Variants in FGF12 observed in about 807,000 individuals in gnomAD.
The protein encoded by FGF12 is fibroblast growth factor 12B.
FGF12 carries 14 observed loss-of-function variants against 23.6 expected under a neutral mutation model. The ratio of observed to expected loss-of-function variants is 0.59; its 90% confidence interval spans 0.39 to 0.93. The LOEUF (loss-of-function observed/expected upper bound fraction) is 0.93. Among genes scored for constraint, FGF12 ranks in the 40% least tolerant of loss-of-function variants. The pLI is 0.00. For synonymous variants in FGF12, 62 were observed against 77.3 expected (o/e 0.80, Z 1.04); for missense variants, 175 against 217.8 (o/e 0.80, Z 1.24).
intron 4 of FGF12, among the ~76,000 whole-genome samples, chr3:192,313,972 GTAAAGTCCTCA>G: frequency 6.6e-6 from 1 of 152,318 alleles, no homozygotes; most frequent in East Asian, 1.9e-4. Flanking sequence ...GGTCATAAGA[GTAAAGTCCTCA>G]TAAATAGGAT....
chr3:192,179,774 G>T (rs1716067846), intron 4 of FGF12, among the ~76,000 whole-genome samples: 1 of 152,012 alleles, frequency 6.6e-6, no homozygotes, highest in South Asian at 2.1e-4. Flanking sequence ...TCGAACTCCT[G>T]ACCTCAAGGG....
At chr3:192,509,092 A>T (rs1345342738) in intron 2 of FGF12, among the ~76,000 whole-genome samples, 3 of 151,996 alleles carry the variant, frequency 2.0e-5, no homozygotes, top group African/African-American at 7.3e-5. Flanking sequence ...GGAAAATGGC[A>T]ATCTCTGAAG....
intron 2 of FGF12, among the ~76,000 whole-genome samples, chr3:192,706,996 AAGAC>A (rs1228771488): frequency 6.6e-6 from 1 of 152,242 alleles, no homozygotes; most frequent in Non-Finnish European, 1.5e-5. Flanking sequence ...GGAAAAGGAC[AAGAC>A]AGTCACAGAA....
chr3:192,529,693 A>G (rs1725041153), intron 2 of FGF12, among the ~76,000 whole-genome samples: 1 of 152,200 alleles, frequency 6.6e-6, no homozygotes, highest in South Asian at 2.1e-4. Flanking sequence ...GGGCATCACA[A>G]TCAAGGCAGA....
chr3:192,171,624 A>G (rs545907799), intron 4 of FGF12, among the ~76,000 whole-genome samples: 1 of 152,252 alleles, frequency 6.6e-6, no homozygotes, highest in Non-Finnish European at 1.5e-5. Flanking sequence ...TCAGCAGAAG[A>G]AAAACAAATG....
At chr3:192,668,529 T>C (rs1716983308) in intron 2 of FGF12, among the ~76,000 whole-genome samples, 1 of 152,130 alleles carries the variant, frequency 6.6e-6, no homozygotes, top group South Asian at 2.1e-4. Context: ...TGTGCCACTC[T>C]GAGGGCAGAA....
chr3:192,435,089 C>T (rs1721976896), intron 2 of FGF12, among the ~76,000 whole-genome samples: 1 of 152,118 alleles, frequency 6.6e-6, no homozygotes, highest in African/African-American at 2.4e-5. Flanking sequence ...TCATTTTCCT[C>T]AACAGGGTAA....
At chr3:192,606,582 C>T (rs1030900410) in intron 2 of FGF12, among the ~76,000 whole-genome samples, 63 of 152,244 alleles carry the variant, frequency 4.1e-4, no homozygotes, top group African/African-American at 1.3e-3. Flanking sequence ...AATCACTGTT[C>T]ACTAGGCACT....
intron 4 of FGF12, among the ~76,000 whole-genome samples, chr3:192,265,001 G>T (rs762125245): frequency 1.4e-4 from 21 of 152,066 alleles, no homozygotes; most frequent in Non-Finnish European, 2.8e-4. Context: ...AATCAGGCTT[G>T]CATCATTTTC....
chr3:192,164,948 A>G (rs1715079344), intron 5 of FGF12, among the ~76,000 whole-genome samples: 1 of 151,996 alleles, frequency 6.6e-6, no homozygotes. Context: ...AACTTTATTT[A>G]TTTATTTATT....
intron 4 of FGF12, among the ~76,000 whole-genome samples, chr3:192,205,949 G>C (rs760847738): frequency 2.0e-4 from 30 of 152,164 alleles, no homozygotes; most frequent in Non-Finnish European, 3.2e-4. Context: ...TGTTACTATT[G>C]TGCACCATTG....
chr3:192,418,031 C>T (rs534663926), intron 2 of FGF12, among the ~76,000 whole-genome samples: 1 of 152,168 alleles, frequency 6.6e-6, no homozygotes, highest in East Asian at 1.9e-4. Context: ...CACAGGAAAA[C>T]AATCTCATAG....
At chr3:192,200,039 G>A (rs543028641) in intron 4 of FGF12, among the ~76,000 whole-genome samples, 61 of 152,176 alleles carry the variant, frequency 4.0e-4, no homozygotes, top group African/African-American at 1.4e-3. Flanking sequence ...TAGAAAGGCC[G>A]GGTGCAGTGG....
chr3:192,726,247 A>C (rs1212115957), intron 2 of FGF12, among the ~76,000 whole-genome samples: 2 of 152,206 alleles, frequency 1.3e-5, no homozygotes, highest in Non-Finnish European at 2.9e-5. Context: ...GTTCTGGGTA[A>C]TGAATATAGT....
chr3:192,312,615 G>T (rs901126587), intron 4 of FGF12, among the ~76,000 whole-genome samples: 1 of 151,744 alleles, frequency 6.6e-6, no homozygotes, highest in African/African-American at 2.4e-5. Flanking sequence ...AAAACGCAAA[G>T]ATAATACAAA....
chr3:192,297,378 G>C (rs1415668362), intron 4 of FGF12, among the ~76,000 whole-genome samples: 1 of 152,192 alleles, frequency 6.6e-6, no homozygotes, highest in Non-Finnish European at 1.5e-5. Flanking sequence ...ACCACATCCT[G>C]TGTTGTTAAA....
chr3:192,662,557 T>A (rs1189327343), intron 2 of FGF12, among the ~76,000 whole-genome samples: 1 of 152,164 alleles, frequency 6.6e-6, no homozygotes, highest in Non-Finnish European at 1.5e-5. Flanking sequence ...CTGACTTGGA[T>A]CCTCTACAAA....
At chr3:192,617,677 C>T (rs989966655) in intron 2 of FGF12, among the ~76,000 whole-genome samples, 4 of 152,070 alleles carry the variant, frequency 2.6e-5, no homozygotes, top group African/African-American at 9.7e-5. Context: ...AGGTGGGACC[C>T]AAGATTCCAC....
chr3:192,195,173 A>AT (rs757211400), intron 4 of FGF12, among the ~76,000 whole-genome samples: 3 of 151,966 alleles, frequency 2.0e-5, no homozygotes, highest in Admixed American at 1.3e-4. Context: ...AACAAAACAA[A>AT]TTTTTTTTAT....
Sources: gnomAD v4.1 joint callset for allele counts (sites outside exome capture counted in the v4.1 genomes callset) on GRCh38, gnomAD v4.1.1 for gene constraint, MANE v1.5 for transcripts, NCBI Gene and HGNC (gene_info 2026-07-23, HGNC 2026-07-21) for gene names.